DCC: variants seen among roughly 807,000 people sequenced by gnomAD.
DCC encodes the protein DCC netrin 1 receptor.
A neutral mutation model predicts 172.5 loss-of-function variants in DCC; 58 were observed. The ratio of observed to expected loss-of-function variants is 0.34; its 90% CI spans 0.27 to 0.42. The LOEUF (loss-of-function observed/expected upper bound fraction) is 0.42. Among genes scored for constraint, DCC ranks in the 10% least tolerant of loss-of-function variants. The pLI is 1.00. For synonymous variants in DCC, 709 were observed against 644.5 expected (o/e 1.10, Z -1.52); for missense variants, 1,740 against 1,791.0 (o/e 0.97, Z 0.51).
At chr18:52,666,163 T>G (rs2144958822) in intron 1 of DCC, among the ~76,000 whole-genome samples, 1 of 152,170 alleles carries the variant, frequency 6.6e-6, no homozygotes, top group Admixed American at 6.5e-5. Context: ...TGTGGTGGTG[T>G]GCACCTGTAA....
chr18:53,351,440 AGT>A lies in DCC; in HGVS notation c.2359+11536_2359+11537del, dbSNP rs1568075379. ...ATACACACTGTGTATATATATATACAGTGTATATATATATATACACAGTGTGT... is the reference window on the plus strand; with the variant it reads ...ATACACACTGTGTATATATATATACAGTATATATATATATACACAGTGTGT... On this transcript the variant is annotated intron_variant, in intron 15 of 28. Coordinates refer to ENST00000442544, the MANE Select transcript of DCC (RefSeq NM_005215.4). Among the ~76,000 whole-genome samples, 3 of 43,772 alleles carry A rather than the reference AGT, an allele frequency of 6.9e-5. 1 individual carries two copies. In the East Asian group the frequency reaches 1.7e-3, roughly 25 times the overall value. 28.7% of individuals were successfully genotyped at this position (43,772 alleles called of 152,430 possible). A position where few individuals can be genotyped will look rare whatever the true frequency, so the allele number is the denominator to read the frequency against.
chr18:53,266,344 T>A (rs2056674437), intron 12 of DCC, among the ~76,000 whole-genome samples: 1 of 152,200 alleles, frequency 6.6e-6, no homozygotes, highest in African/African-American at 2.4e-5. Flanking sequence ...TTGGAACAAC[T>A]TGGAGGAGAT....
At chr18:52,368,515 T>C (rs547582858) in intron 1 of DCC, among the ~76,000 whole-genome samples, 1 of 152,320 alleles carries the variant, frequency 6.6e-6, no homozygotes, top group Admixed American at 6.5e-5. Context: ...GGAAAAATGA[T>C]CCTGTCACAC....
chr18:52,525,833 A>G (rs192600239), intron 1 of DCC, among the ~76,000 whole-genome samples: 3 of 152,328 alleles, frequency 2.0e-5, no homozygotes, highest in Non-Finnish European at 4.4e-5. Flanking sequence ...TGGAAGCCAA[A>G]GATGATGAAT....
At chr18:53,018,175 T>C (rs181828798) in intron 5 of DCC, among the ~76,000 whole-genome samples, 1 of 152,106 alleles carries the variant, frequency 6.6e-6, no homozygotes, top group Non-Finnish European at 1.5e-5. Flanking sequence ...TTAATAATAA[T>C]AAGAAGTTAC....
At chr18:52,843,855 G>T (rs938926131) in intron 2 of DCC, among the ~76,000 whole-genome samples, 1 of 152,112 alleles carries the variant, frequency 6.6e-6, no homozygotes, top group Non-Finnish European at 1.5e-5. Flanking sequence ...CACCAGAAAA[G>T]AACAGGAAAT....
intron 2 of DCC, among the ~76,000 whole-genome samples, chr18:52,864,175 C>T (rs1234766193): frequency 2.0e-5 from 3 of 152,156 alleles, no homozygotes; most frequent in Non-Finnish European, 4.4e-5. Flanking sequence ...AAAACTGTAT[C>T]TCTGTAAGTG....
At chr18:53,177,156 A>C (rs2055112323) in intron 8 of DCC, among the ~76,000 whole-genome samples, 1 of 149,940 alleles carries the variant, frequency 6.7e-6, no homozygotes, top group East Asian at 2.0e-4. Context: ...AGGAAGGGGA[A>C]TATCACACTC....
intron 21 of DCC, among the ~76,000 whole-genome samples, chr18:53,421,878 T>C (rs1910660317): frequency 6.6e-6 from 1 of 152,210 alleles, no homozygotes; most frequent in South Asian, 2.1e-4. Flanking sequence ...TTTTCCACTA[T>C]GTGTCAATTA....
intron 1 of DCC, among the ~76,000 whole-genome samples, chr18:52,594,798 A>G (rs1401266806): frequency 3.3e-5 from 5 of 152,080 alleles, no homozygotes; most frequent in Admixed American, 6.5e-5. Flanking sequence ...GCTTCACCAG[A>G]TCTTGTGAGT....
rs540307752 is a variant in DCC at position 52,498,808 on chromosome 18, C to T, written c.91+157930C>T. On this transcript the variant is annotated intron_variant, in intron 1 of 28. Coordinates refer to ENST00000442544, the MANE Select transcript of DCC (RefSeq NM_005215.4). The stretch of plus-strand genomic sequence containing the variant: ...GGATATAGAAAGAAACCTCTGATGT[C>T]TCTTCCTCTTGTAATAAGGCCACCA... Among the ~76,000 whole-genome samples the T allele has an allele frequency of 3.3e-5, 5 of 152,186 alleles. No homozygotes were observed. In the East Asian group the frequency reaches 7.7e-4, roughly 24 times the overall value.
intron 1 of DCC, among the ~76,000 whole-genome samples, chr18:52,388,117 G>A (rs565326703): frequency 1.3e-5 from 2 of 151,966 alleles, no homozygotes; most frequent in Non-Finnish European, 2.9e-5. Context: ...TAACATCTGT[G>A]GACCCAGTGG....
intron 13 of DCC, among the ~76,000 whole-genome samples, chr18:53,320,779 T>G (rs1290221885): frequency 2.0e-5 from 3 of 152,168 alleles, no homozygotes; most frequent in Non-Finnish European, 2.9e-5. Context: ...CAGGTACTAT[T>G]GTGGGCCCTA....
chr18:53,190,458 C>CTG (rs67103778), intron 9 of DCC, among the ~76,000 whole-genome samples: 8,043 of 146,224 alleles, frequency 0.055, 217 homozygotes, highest in African/African-American at 0.076. Context: ...ACTGCTAACT[C>CTG]TGTGTGTGTG....
intron 27 of DCC, among the ~76,000 whole-genome samples, chr18:53,517,209 A>G (rs2046344676): frequency 6.7e-6 from 1 of 148,398 alleles, no homozygotes; most frequent in South Asian, 2.2e-4. Context: ...CAAAAAACCA[A>G]ACACCGCATA....
At chr18:53,356,181 A>G (rs1268425360) in intron 15 of DCC, among the ~76,000 whole-genome samples, 2 of 152,020 alleles carry the variant, frequency 1.3e-5, no homozygotes, top group Admixed American at 6.6e-5. Flanking sequence ...TAGCTTCCCA[A>G]AGTGCTAGGA....
chr18:52,428,705 G>A (rs1987523342), intron 1 of DCC, among the ~76,000 whole-genome samples: 2 of 152,028 alleles, frequency 1.3e-5, no homozygotes, highest in Admixed American at 1.3e-4. Context: ...AGCAAGCCAT[G>A]GAAATTTATT....
rs111476286 is a variant in DCC, at chr18:52,497,260, C to CAAAA, written c.91+156400_91+156403dup. Among the ~76,000 whole-genome samples the CAAAA allele has an allele frequency of 1.1e-3, 62 of 53,926 alleles. 3 individuals carry two copies. The highest frequency in any genetic ancestry group is 1.6e-3 in the South Asian group (2 of 1,274). 35.4% of individuals were successfully genotyped at this position (53,926 alleles called of 152,430 possible). On this transcript the variant is annotated intron_variant, in intron 1 of 28. Transcript: ENST00000442544. ...TGGGTAACAGAGTGAGACCCTGTAT[C>CAAAA]AAAAAAAAAAAAAAAAAAAAATATA...
At chr18:52,347,415 A>G (rs1983926140) in intron 1 of DCC, among the ~76,000 whole-genome samples, 1 of 152,184 alleles carries the variant, frequency 6.6e-6, no homozygotes, top group Admixed American at 6.5e-5. Flanking sequence ...TCATTATAGT[A>G]TTATGTGATT....
Sources: gnomAD v4.1 joint callset for allele counts (sites outside exome capture counted in the v4.1 genomes callset) on GRCh38, gnomAD v4.1.1 for gene constraint, MANE v1.5 for transcripts, NCBI Gene and HGNC (gene_info 2026-07-23, HGNC 2026-07-21) for gene names.